TTN: variants seen among roughly 807,000 people sequenced by gnomAD.
TTN encodes the protein titin.
In TTN, 1,525 loss-of-function variants were observed where a neutral mutation model predicts 3,223.0. That is an observed-to-expected ratio of 0.47 (90% confidence interval 0.45 to 0.49). The LOEUF is 0.49. Ranked by LOEUF, TTN falls within the 20% of genes least tolerant of loss-of-function variation. The probability of loss-of-function intolerance (pLI) is 0.00; values close to 1 mark genes in which losing one functional copy is unlikely to be tolerated. For missense variants in TTN, 40,786 were observed against 43,424.0 expected, an observed-to-expected ratio of 0.94 and a Z score of 5.40; for synonymous variants, 14,094 against 15,161.0, an observed-to-expected ratio of 0.93 and a Z score of 5.17.
At position 178,550,039 on chromosome 2, in the gene TTN, T is replaced by C; in HGVS notation, c.91799A>G (p.Glu30600Gly). Residue 30600 changes from glutamate to glycine, a missense_variant, in exon 337 of 363, where the codon GAA (glutamate) becomes GGA (glycine). Glu to Gly is a moderately conservative substitution (Grantham distance 98, BLOSUM62 -2). Transcript: ENST00000589042. ...TGCAGAACCAGATGCATTTTTGGCT[T>C]CCACTGTGTATACACCACGATGGTC... is the stretch of plus-strand genomic sequence containing the variant. ...TRDHRGVYTV[E>G]AKNASGSAKA... 6.2e-7 allele frequency: 1 copy of C among 1,612,480 alleles called. No individual in the cohort carries two copies. The highest frequency in any genetic ancestry group is 8.5e-7 in the Non-Finnish European group (1 of 1,178,806).
rs957102154 is a variant in TTN, at chr2:178,735,562, C to A, written c.14884G>T (p.Ala4962Ser). ...GAGCTGCTTCCAGCCTCATTTGAAG[C>A]TGTACAGACATAGGTTCCTGAATCT... ...LKDSGTYVCT[A>S]SNEAGSSSCS... Residue 4962 changes from alanine to serine, a missense_variant, in exon 50 of 363, where the codon GCT becomes TCT. By Grantham distance (99) the Ala-to-Ser change is moderately conservative (BLOSUM62 1). Transcript: ENST00000589042. 5.0e-6 allele frequency: 8 copies of A among 1,609,178 alleles called. No homozygotes were observed. In the Admixed American group the frequency reaches 8.4e-5, roughly 17 times the overall value.
chr2:178,770,305 T>C lies in TTN; in HGVS notation c.8396A>G (p.Lys2799Arg). Residue 2799 changes from lysine (K) to arginine (R), a missense_variant, in exon 36 of 363, where the codon AAA (lysine) becomes AGA (arginine). Physicochemically the swap from Lys to Arg is conservative, Grantham distance 26. Transcript: ENST00000589042. ...RLHVETVKIIKKPKDVTALEN... is the reference protein window; with the variant it reads ...RLHVETVKIIRKPKDVTALEN... Reference sequence around the variant, plus strand: ...CAAGGCTGTCACATCCTTTGGCTTTTTAATGATCTTGACAGCTAAGAGGAA... The same window carrying C: ...CAAGGCTGTCACATCCTTTGGCTTTCTAATGATCTTGACAGCTAAGAGGAA... 1 of 1,614,172 alleles carries C rather than the reference T, an allele frequency of 6.2e-7. No homozygotes were observed. The highest frequency in any genetic ancestry group is 8.5e-7 in the Non-Finnish European group (1 of 1,180,022).
Position 178,651,953 on chromosome 2 carries a change from C to G in TTN, c.39310G>C (p.Glu13104Gln), listed in dbSNP as rs2063063357. 3 of 1,610,496 alleles carry G rather than the reference C, an allele frequency of 1.9e-6. No homozygotes were observed. Among genetic ancestry groups the G allele is most frequent in the Non-Finnish European group, 2.5e-6 (3 of 1,178,318 alleles). Residue 13104 changes from glutamate to glutamine, a missense_variant, in exon 205 of 363, where the codon GAG becomes CAG. Physicochemically the swap from Glu to Gln is conservative, Grantham distance 29. Coordinates refer to ENST00000589042, the MANE Select transcript of TTN (RefSeq NM_001267550.2). ...SPPPEVFEEPEEVALEEPPAE... is the reference protein window; with the variant it reads ...SPPPEVFEEPQEVALEEPPAE... Reference sequence around the variant, plus strand: ...GGAGGCTCTTCTAGGGCAACTTCCTCAGGCTCCTCGAACACTTTAAAGACA... The same window carrying G: ...GGAGGCTCTTCTAGGGCAACTTCCTGAGGCTCCTCGAACACTTTAAAGACA...
Position 178,617,374 on chromosome 2 carries a change from T to C in TTN, c.47711A>G (p.Asp15904Gly). The change falls in exon 254 of 363, where the codon GAT becomes GGT. Residue 15904 changes from aspartate to glycine, a missense_variant. Asp to Gly is a moderately conservative substitution (Grantham distance 94). Coordinates refer to ENST00000589042, the MANE Select transcript of TTN (RefSeq NM_001267550.2). ...TTTCATATTGCAACGAATCCAATTATCTTTTCCTTCTTCGCATCGCTCAAT... is the reference window on the plus strand; with the variant it reads ...TTTCATATTGCAACGAATCCAATTACCTTTTCCTTCTTCGCATCGCTCAAT... ...YIIERCEEGK[D>G]NWIRCNMKLV... The C allele has an allele frequency of 3.2e-6, 5 of 1,586,956 alleles. No homozygotes were observed. Among genetic ancestry groups the C allele is most frequent in the East Asian group, 2.3e-5 (1 of 44,146 alleles).
Position 178,731,718 on chromosome 2 carries a change from G to C in TTN, c.17157C>G (p.Ile5719Met). ...CRVTNEVGSSICSARVTLREP... is the reference protein window; with the variant it reads ...CRVTNEVGSSMCSARVTLREP... ...CTCTTAAAGTCACCCTGGCACTGCA[G>C]ATGCTGCTGCCCACCTCATTGGTCA... The change falls in exon 58 of 363, where the codon ATC becomes ATG. Residue 5719 changes from isoleucine (I) to methionine (M), a missense_variant. Ile to Met is a conservative substitution (Grantham distance 10, BLOSUM62 1). Coordinates refer to ENST00000589042, the MANE Select transcript of TTN (RefSeq NM_001267550.2). 6.2e-7 allele frequency: 1 copy of C among 1,612,430 alleles called. No homozygotes were observed. Among genetic ancestry groups the C allele is most frequent in the Non-Finnish European group, 8.5e-7 (1 of 1,178,700 alleles).
chr2:178,688,849 G>A, intron 125 of TTN, 71 bp from the exon 126 acceptor site: 2 of 1,322,650 alleles, frequency 1.5e-6, no homozygotes, highest in East Asian at 2.3e-5. Flanking sequence ...AGAATTTGGG[G>A]AAGAGTTGCA....
chr2:178,636,533 G>T lies in TTN; in HGVS notation c.41194C>A (p.His13732Asn). ...TCTTTACCATCTGCAATAAACCTGTGCTTGGGACTCTCACGGATATTGCTA... is the reference window on the plus strand; with the variant it reads ...TCTTTACCATCTGCAATAAACCTGTTCTTGGGACTCTCACGGATATTGCTA... ...DGSNIRESPK[H>N]RFIADGKDRK... is the part of the protein sequence containing the mutation. Residue 13732 changes from histidine to asparagine, a missense_variant, in exon 225 of 363, where the codon CAC (histidine) becomes AAC (asparagine). By Grantham distance (68) the His-to-Asn change is moderately conservative. Coordinates refer to ENST00000589042, the MANE Select transcript of TTN (RefSeq NM_001267550.2). This position sits in a 1 kb window ranked among gnomAD's most constrained non-coding sequence, Gnocchi z 4.3. The T allele has an allele frequency of 6.2e-7, 1 of 1,613,466 alleles. No homozygotes were observed.
intron 240 of TTN, among the ~76,000 whole-genome samples, chr2:178,628,122 CAG>C (rs2059307626): frequency 6.6e-6 from 1 of 152,046 alleles, no homozygotes; most frequent in Non-Finnish European, 1.5e-5. Context: ...ATCTGTATAA[CAG>C]GCAGGCGTTA....
intron 228 of TTN, 144 bp downstream of exon 228, chr2:178,635,021 G>T: frequency 7.3e-7 from 1 of 1,376,312 alleles, no homozygotes. Flanking sequence ...CAAATGATAC[G>T]TAAAATTTCT....
Position 178,782,441 on chromosome 2 carries a change from T to TCC in TTN, c.3165-16_3165-15dup. 1 of 1,614,076 alleles carries TCC rather than the reference T, an allele frequency of 6.2e-7. No individual in the cohort carries two copies. The highest frequency in any genetic ancestry group is 8.5e-7 in the Non-Finnish European group (1 of 1,179,980). ...GACTCAACAAAGCTGGAAAGAGAATTCCCCTCATATTAGCTTCCGGGTTGC... is the reference window on the plus strand; with the variant it reads ...GACTCAACAAAGCTGGAAAGAGAATTCCCCCCTCATATTAGCTTCCGGGTTGC... On this transcript the variant is annotated splice_polypyrimidine_tract_variant and intron_variant, in intron 19 of 362. Transcript: ENST00000589042.
Position 178,563,144 on chromosome 2 carries a change from G to A in TTN, c.82988C>T (p.Ser27663Leu). ...CTCTATCCTCTCCTGAGCAACCACT[G>A]AGCCAGGTAGAGTTGCAGGTTCACC... The part of the protein sequence containing the change: ...GVGEPATLPG[S>L]VVAQERIEPP... The change falls in exon 326 of 363, where the codon TCA becomes TTA. Residue 27663 changes from serine (S) to leucine (L), a missense_variant. Coordinates refer to ENST00000589042, the MANE Select transcript of TTN (RefSeq NM_001267550.2). The surrounding 1 kb of genome is among the most constrained non-coding windows in gnomAD (Gnocchi z 4.5). The A allele has an allele frequency of 6.2e-7, 1 of 1,613,694 alleles. No individual in the cohort carries two copies. Among genetic ancestry groups the A allele is most frequent in the Non-Finnish European group, 8.5e-7 (1 of 1,179,708 alleles).
intron 7 of TTN, among the ~76,000 whole-genome samples, 162 bp from the exon 8 acceptor site, chr2:178,794,713 A>G (rs1341464244): frequency 6.6e-6 from 1 of 152,248 alleles, no homozygotes; most frequent in Non-Finnish European, 1.5e-5. Context: ...AAACCTGTAT[A>G]TTATGGAAAC....
Position 178,729,421 on chromosome 2 carries a change from G to A in TTN, c.18735C>T (p.Tyr6245=), listed in dbSNP as rs368048146. Residue 6245 remains tyrosine (Y), a synonymous_variant, in exon 64 of 363, where the codon TAC becomes TAT. Coordinates refer to ENST00000589042, the MANE Select transcript of TTN (RefSeq NM_001267550.2). ...ACACAGACACTCTGTCGGTCAATGT[G>A]TATTTTTTGCTGCTTCGAATTTCCC... ...NNREIRSSKK[Y]TLTDRVSVFN... 14 of 1,613,642 alleles carry A rather than the reference G, an allele frequency of 8.7e-6. No homozygotes were observed. Among genetic ancestry groups the A allele is most frequent in the Non-Finnish European group, 1.2e-5 (14 of 1,179,672 alleles).
At chr2:178,650,864 G>A (rs764429896) in intron 208 of TTN, 30 bp from the exon 209 acceptor site, 3 of 1,560,774 alleles carry the variant, frequency 1.9e-6, no homozygotes, top group Middle Eastern at 1.7e-4. Context: ...TTTTTCTTAT[G>A]AGTAGTTGAG....
intron 148 of TTN, 75 bp from the exon 149 acceptor site, chr2:178,675,829 G>C: frequency 6.5e-7 from 1 of 1,528,378 alleles, no homozygotes; most frequent in South Asian, 1.2e-5. Context: ...AGTAATATAA[G>C]TTGTATTAAC....
intron 259 of TTN, 114 bp from the exon 260 acceptor site, chr2:178,615,082 A>T: frequency 9.6e-7 from 1 of 1,045,688 alleles, no homozygotes; most frequent in African/African-American, 1.6e-5. Context: ...TCTTTAAATT[A>T]AACCTGGATT....
chr2:178,704,923 A>C lies in TTN; in HGVS notation c.29648T>G (p.Phe9883Cys). The change falls in exon 104 of 363, where the codon TTT (phenylalanine) becomes TGT (cysteine). Residue 9883 changes from phenylalanine to cysteine, a missense_variant. Coordinates refer to ENST00000589042, the MANE Select transcript of TTN (RefSeq NM_001267550.2). ...IERSERDEKE[F>C]EELVSFIQQR... Reference sequence around the variant, plus strand: ...CTGAATAAATGATACAAGTTCCTCAAATTCCTTTTCGTCCCTCTCTGACCT... The same window carrying C: ...CTGAATAAATGATACAAGTTCCTCACATTCCTTTTCGTCCCTCTCTGACCT... 1 of 1,613,344 alleles carries C rather than the reference A, an allele frequency of 6.2e-7. No homozygotes were observed. The highest frequency in any genetic ancestry group is 1.1e-5 in the South Asian group (1 of 91,040).
Position 178,607,901 on chromosome 2 carries a change from T to C in TTN, c.52886A>G (p.Tyr17629Cys), listed in dbSNP as rs1039650213. The C allele has an allele frequency of 1.9e-6, 3 of 1,612,930 alleles. No individual in the cohort carries two copies. The highest frequency in any genetic ancestry group is 1.7e-5 in the Admixed American group (1 of 59,928). Residue 17629 changes from tyrosine (Y) to cysteine (C), a missense_variant, in exon 276 of 363, where the codon TAC (tyrosine) becomes TGC (cysteine). Transcript: ENST00000589042. ...ACCCTCTCGGATTTCTTTGACGGTG[T>C]ACTGACGGACCTTGATCATCTTCTC... ...CTEKMIKVRQ[Y>C]TVKEIREGAD... is the part of the protein sequence containing the mutation.
chr2:178,620,543 A>T lies in TTN; in HGVS notation c.45978T>A (p.Asn15326Lys). ...KKSVTFWCKV[N>K]RLNVTLKWTK... ...TCCACTTCAGTGTTACATTGAGACG[A>T]TTCACCTTGCACCAGAATGTGACAG... Residue 15326 changes from asparagine (N) to lysine (K), a missense_variant, in exon 248 of 363, where the codon AAT (asparagine) becomes AAA (lysine). By Grantham distance (94) the Asn-to-Lys change is moderately conservative (BLOSUM62 0). Coordinates refer to ENST00000589042, the MANE Select transcript of TTN (RefSeq NM_001267550.2). 1 of 1,612,160 alleles carries T rather than the reference A, an allele frequency of 6.2e-7. No individual in the cohort carries two copies.
Sources: gnomAD v4.1 joint callset for allele counts (sites outside exome capture counted in the v4.1 genomes callset) on GRCh38, gnomAD v4.1.1 for gene constraint, Gnocchi (gnomAD v3.1) non-coding constraint, MANE v1.5 for transcripts, NCBI Gene and HGNC (gene_info 2026-07-23, HGNC 2026-07-21) for gene names.